Variants in LRSAM1 observed in about 807,000 individuals in gnomAD.
LRSAM1 encodes leucine rich repeat and sterile alpha motif containing 1.
Under a neutral mutation model 118.1 loss-of-function variants are expected in LRSAM1, and 96 were observed. The observed-to-expected ratio is 0.81, with a 90% CI of 0.69 to 0.96. LRSAM1 has a LOEUF of 0.96. Ranked by LOEUF, LRSAM1 falls within the 40% of genes least tolerant of loss-of-function variation. The probability of loss-of-function intolerance (pLI) is 0.00; values close to 1 mark genes in which losing one functional copy is unlikely to be tolerated. For missense variants in LRSAM1, 804 were observed against 915.5 expected (o/e 0.88, Z 1.57); for synonymous variants, 322 against 364.2 (o/e 0.88, Z 1.32).
At chr9:127,455,732 C>A in intron 5 of LRSAM1, 112 bp downstream of exon 5, 1 of 1,004,874 alleles carries the variant, frequency 1.0e-6, no homozygotes, top group Non-Finnish European at 1.6e-6. Flanking sequence ...TTTCTCTCTG[C>A]TTCTTATGCT....
rs1243395265 is a variant in LRSAM1 at position 127,479,932 on chromosome 9, C to T, written c.997C>T (p.Gln333Ter). ...RLQEQLKQTE[Q>*]NISSRIQKLL... Reference sequence around the variant, plus strand: ...GCAGGAGCAGCTGAAGCAGACGGAACAGAACATTTCCAGCCGGATCCAGAA... The same window carrying T: ...GCAGGAGCAGCTGAAGCAGACGGAATAGAACATTTCCAGCCGGATCCAGAA... Residue 333 changes from glutamine (Q) to a stop codon, truncating the protein, a stop_gained, in exon 14 of 26, where the codon CAG becomes TAG. Transcript: ENST00000300417. LOFTEE classifies it high-confidence loss of function. 2 of 1,614,088 alleles carry T rather than the reference C, an allele frequency of 1.2e-6. No homozygotes were observed. Among genetic ancestry groups the T allele is most frequent in the South Asian group, 1.1e-5 (1 of 91,094 alleles).
intron 2 of LRSAM1, chr9:127,452,351 C>T (rs1213566754): frequency 6.6e-5 from 10 of 152,298 alleles, no homozygotes; most frequent in African/African-American, 1.9e-4. Flanking sequence ...TCAAACCATT[C>T]CCCATCCTTG....
chr9:127,455,599 A>G lies in LRSAM1; in HGVS notation c.153A>G (p.Thr51=). Reference sequence around the variant, plus strand: ...AGATTCCATTTGGAGCTTTTGCAACATGCAAAGTTCTGCAGAAGAAGGTAA... The same window carrying G: ...AGATTCCATTTGGAGCTTTTGCAACGTGCAAAGTTCTGCAGAAGAAGGTAA... ...LSEIPFGAFA[T]CKVLQKKVLI... is the part of the protein sequence containing the mutation. Residue 51 remains threonine, a synonymous_variant, in exon 5 of 26, where the codon ACA becomes ACG. Coordinates refer to ENST00000300417, the MANE Select transcript of LRSAM1 (RefSeq NM_001005373.4). 1 of 1,613,906 alleles carries G rather than the reference A, an allele frequency of 6.2e-7. No homozygotes were observed. Among genetic ancestry groups the G allele is most frequent in the Non-Finnish European group, 8.5e-7 (1 of 1,180,036 alleles).
At chr9:127,455,205 AT>A in intron 4 of LRSAM1, 151 bp downstream of exon 4, 1 of 869,762 alleles carries the variant, frequency 1.1e-6, no homozygotes, top group Non-Finnish European at 2.0e-6. Flanking sequence ...CTCGTCCAAA[AT>A]AATTGAAGAT....
chr9:127,484,145 A>G (rs913102566), intron 16 of LRSAM1, among the ~76,000 whole-genome samples: 2 of 151,158 alleles, frequency 1.3e-5, no homozygotes, highest in Middle Eastern at 3.4e-3. Flanking sequence ...TTTGAGTGTT[A>G]TAAGTACCTC....
intron 16 of LRSAM1, among the ~76,000 whole-genome samples, chr9:127,483,700 G>A (rs780023423): frequency 2.0e-5 from 3 of 152,144 alleles, no homozygotes; most frequent in Non-Finnish European, 4.4e-5. Context: ...GTCTCGCTCT[G>A]TTGCTCAGGC....
chr9:127,478,994 C>T, intron 12 of LRSAM1, 31 bp downstream of exon 12: 1 of 1,599,060 alleles, frequency 6.3e-7, no homozygotes, highest in South Asian at 1.1e-5. Context: ...TTCTGTCACT[C>T]TTTTCTCATT....
rs1835710232 is a variant in LRSAM1 at position 127,485,845 on chromosome 9, G to A, written c.1259+10G>A. On this transcript the variant is annotated intron_variant, in intron 17 of 25. Transcript: ENST00000300417. ...AGCAGGCCTGTTCCAGGTAAGGTAA[G>A]GAAGAGGAGTCCCAGGTGAGGGAGC... 2 of 1,613,624 alleles carry A rather than the reference G, an allele frequency of 1.2e-6. No homozygotes were observed. The highest frequency in any genetic ancestry group is 1.7e-6 in the Non-Finnish European group (2 of 1,179,706).
chr9:127,478,913 ACTGT>A lies in LRSAM1; in HGVS notation c.751-18_751-15del, dbSNP rs754165447. 1.2e-5 allele frequency: 19 copies of A among 1,613,706 alleles called. No homozygotes were observed. Among genetic ancestry groups the A allele is most frequent in the Non-Finnish European group, 2.5e-6 (3 of 1,179,802 alleles). On this transcript the variant is annotated splice_polypyrimidine_tract_variant and intron_variant, in intron 11 of 25. Coordinates refer to ENST00000300417, the MANE Select transcript of LRSAM1 (RefSeq NM_001005373.4). ...CCACTGCTGCCACCCTCTCTTGACC[ACTGT>A]CTTTTTTTCCTCCCAGAACAGGTTC...
chr9:127,481,070 T>C, intron 14 of LRSAM1, 113 bp from the exon 15 acceptor site: 1 of 1,100,926 alleles, frequency 9.1e-7, no homozygotes, highest in Non-Finnish European at 1.4e-6. Flanking sequence ...TTCAAGGTGG[T>C]GGAGCCAAGG....
chr9:127,453,760 C>CTCAA (rs1458283237), intron 2 of LRSAM1: 1 of 153,214 alleles, frequency 6.5e-6, no homozygotes, highest in East Asian at 1.9e-4. Context: ...CATCCTGCTG[C>CTCAA]TCAATGTTTA....
At chr9:127,475,978 G>C (rs1444555363) in intron 11 of LRSAM1, among the ~76,000 whole-genome samples, 2 of 152,156 alleles carry the variant, frequency 1.3e-5, no homozygotes, top group African/African-American at 2.4e-5. Context: ...GACCTCAAGT[G>C]ATCTGCCCAC....
intron 11 of LRSAM1, among the ~76,000 whole-genome samples, chr9:127,474,793 A>G (rs573445158): frequency 2.0e-5 from 3 of 152,294 alleles, no homozygotes; most frequent in African/African-American, 7.2e-5. Flanking sequence ...GGTCCTGGCG[A>G]CAAGCTAGCA....
intron 5 of LRSAM1, among the ~76,000 whole-genome samples, chr9:127,456,446 G>T (rs1249283171): frequency 6.6e-6 from 1 of 152,104 alleles, no homozygotes; most frequent in Admixed American, 6.5e-5. Flanking sequence ...GGCCAGGCTG[G>T]TCTCGAACTC....
chr9:127,454,520 A>C lies in LRSAM1; in HGVS notation c.-8A>C, dbSNP rs1390728194. On this transcript the variant is annotated 5_prime_UTR_variant, in exon 3 of 26. Transcript: ENST00000300417. The stretch of plus-strand genomic sequence containing the variant: ...GGGTCCTAAAGATCGCTCTGGGAAA[A>C]GGGAAGGATGCCGCTCTTCTTCCGG... 1.9e-6 allele frequency: 3 copies of C among 1,614,108 alleles called. No individual in the cohort carries two copies. The Admixed American group carries it at 5.0e-5, about 27-fold the overall frequency.
chr9:127,484,809 TC>T (rs201465928), intron 16 of LRSAM1, among the ~76,000 whole-genome samples: 1 of 57,200 alleles, frequency 1.7e-5, no homozygotes, highest in Non-Finnish European at 5.4e-5. Flanking sequence ...TTTCTTTTTT[TC>T]TTTTTTTTTT....
intron 23 of LRSAM1, among the ~76,000 whole-genome samples, chr9:127,496,743 TGA>T (rs1282249076): frequency 2.0e-5 from 3 of 152,154 alleles, no homozygotes; most frequent in African/African-American, 7.2e-5. Flanking sequence ...TTCTTTTTCA[TGA>T]GACTCTCCTG....
intron 11 of LRSAM1, among the ~76,000 whole-genome samples, chr9:127,476,069 G>A (rs926872976): frequency 5.9e-5 from 9 of 152,320 alleles, no homozygotes; most frequent in East Asian, 3.9e-4. Flanking sequence ...GGCACAGCCC[G>A]TGATCCAGAA....
At chr9:127,481,607 AT>A (rs1835542506) in intron 15 of LRSAM1, among the ~76,000 whole-genome samples, 1 of 152,258 alleles carries the variant, frequency 6.6e-6, no homozygotes, top group Admixed American at 6.5e-5. Context: ...ATGCCAGGAC[AT>A]TTCCCTAAAG....
Sources: allele counts gnomAD v4.1 joint callset (sites outside exome capture counted in the v4.1 genomes callset), GRCh38; gene constraint gnomAD v4.1.1; transcripts MANE v1.5; gene names NCBI Gene and HGNC (gene_info 2026-07-23, HGNC 2026-07-21).